PTPRD: variants seen among roughly 807,000 people sequenced by gnomAD.
PTPRD encodes protein tyrosine phosphatase receptor type D.
In PTPRD, 34 loss-of-function variants were observed where a neutral mutation model predicts 214.5. The ratio of observed to expected loss-of-function variants is 0.16; its 90% CI spans 0.12 to 0.21. The LOEUF (loss-of-function observed/expected upper bound fraction) is 0.21. Among genes scored for constraint, PTPRD ranks in the 10% least tolerant of loss-of-function variants. The pLI is 1.00. For missense variants in PTPRD, 2,545 were observed against 2,398.7 expected (o/e 1.06, Z -1.27); for synonymous variants, 1,128 against 845.7 (o/e 1.33, Z -5.79).
intron 8 of PTPRD, among the ~76,000 whole-genome samples, chr9:9,485,856 T>C (rs758686242): frequency 6.6e-6 from 1 of 152,068 alleles, no homozygotes; most frequent in Non-Finnish European, 1.5e-5. Context: ...CCCAAATCTC[T>C]ACTGCCTTCC....
At chr9:9,825,679 T>C (rs947378351) in intron 5 of PTPRD, among the ~76,000 whole-genome samples, 31 of 151,966 alleles carry the variant, frequency 2.0e-4, no homozygotes, top group Non-Finnish European at 3.4e-4. Context: ...TGGAGTACAA[T>C]GATAACAGGT....
At chr9:8,844,115 A>G (rs1344630355) in intron 11 of PTPRD, among the ~76,000 whole-genome samples, 1 of 152,200 alleles carries the variant, frequency 6.6e-6, no homozygotes. Context: ...ATATTCCAAA[A>G]GAAGAGTTTT....
intron 19 of PTPRD, among the ~76,000 whole-genome samples, chr9:8,523,215 G>C (rs879773774): frequency 6.6e-6 from 1 of 152,184 alleles, no homozygotes; most frequent in South Asian, 2.1e-4. Context: ...TTAAAGGCAG[G>C]GTGGGAGATG....
intron 3 of PTPRD, among the ~76,000 whole-genome samples, chr9:10,279,829 T>C (rs953752261): frequency 4.6e-5 from 7 of 152,172 alleles, no homozygotes; most frequent in Non-Finnish European, 8.8e-5. Context: ...TAGTCCTGAA[T>C]TGATACTTTC....
intron 3 of PTPRD, among the ~76,000 whole-genome samples, chr9:10,129,283 G>A (rs779664137): frequency 1.3e-5 from 2 of 152,114 alleles, no homozygotes; most frequent in Non-Finnish European, 2.9e-5. Flanking sequence ...CTAATGGCAT[G>A]TACGGATTTT....
chr9:8,352,320 C>T (rs1478574098), intron 39 of PTPRD, among the ~76,000 whole-genome samples: 1 of 152,174 alleles, frequency 6.6e-6, no homozygotes, highest in Admixed American at 6.6e-5. Context: ...GCAGACTCAG[C>T]TGGCTCTGAT....
chr9:9,453,600 AT>A (rs2092571065), intron 8 of PTPRD, among the ~76,000 whole-genome samples: 1 of 151,624 alleles, frequency 6.6e-6, no homozygotes, highest in African/African-American at 2.4e-5. Flanking sequence ...GAACAATTCC[AT>A]TTATATTTCA....
chr9:10,577,538 C>G (rs1297158023), intron 2 of PTPRD, among the ~76,000 whole-genome samples: 2 of 152,230 alleles, frequency 1.3e-5, no homozygotes, highest in African/African-American at 4.8e-5. Context: ...GCCCTACCAA[C>G]ATCTTTCTTT....
At chr9:9,061,831 T>C (rs1016468357) in intron 10 of PTPRD, among the ~76,000 whole-genome samples, 1 of 152,110 alleles carries the variant, frequency 6.6e-6, no homozygotes, top group African/African-American at 2.4e-5. Flanking sequence ...TCTTCTATCC[T>C]CCTGTAGAGA....
chr9:9,378,388 T>C (rs557830733), intron 9 of PTPRD, among the ~76,000 whole-genome samples: 1 of 152,164 alleles, frequency 6.6e-6, no homozygotes, highest in Non-Finnish European at 1.5e-5. Context: ...GAGTATTCCA[T>C]TGTCTGGATA....
intron 10 of PTPRD, among the ~76,000 whole-genome samples, chr9:9,119,875 A>C: frequency 6.6e-6 from 1 of 151,832 alleles, no homozygotes; most frequent in Non-Finnish European, 1.5e-5. Flanking sequence ...ATGACTACAC[A>C]TGAAAGTGTA....
At chr9:10,408,405 T>TA (rs2098399048) in intron 2 of PTPRD, among the ~76,000 whole-genome samples, 1 of 151,566 alleles carries the variant, frequency 6.6e-6, no homozygotes, top group African/African-American at 2.4e-5. Context: ...CGGTCTGTAA[T>TA]AAAAAAGCAT....
intron 9 of PTPRD, among the ~76,000 whole-genome samples, chr9:9,367,632 A>G (rs1219503881): frequency 6.6e-6 from 1 of 151,640 alleles, no homozygotes; most frequent in Non-Finnish European, 1.5e-5. Context: ...GTAGATTGCC[A>G]GAAGTTAAAT....
At chr9:10,271,305 G>C (rs1226054287) in intron 3 of PTPRD, among the ~76,000 whole-genome samples, 1 of 152,006 alleles carries the variant, frequency 6.6e-6, no homozygotes, top group African/African-American at 2.4e-5. Context: ...ATTTTTAGGT[G>C]TTACAAATAC....
chr9:9,479,651 A>T (rs1417028799), intron 8 of PTPRD, among the ~76,000 whole-genome samples: 1 of 152,162 alleles, frequency 6.6e-6, no homozygotes, highest in Non-Finnish European at 1.5e-5. Flanking sequence ...AACAGAAATT[A>T]TTTGATTGAT....
intron 11 of PTPRD, among the ~76,000 whole-genome samples, chr9:8,853,675 T>G (rs898210635): frequency 6.6e-6 from 1 of 152,200 alleles, no homozygotes; most frequent in Non-Finnish European, 1.5e-5. Context: ...TCAGATTTCT[T>G]CAGTTGATGT....
intron 5 of PTPRD, among the ~76,000 whole-genome samples, chr9:9,907,272 T>C (rs1156295661): frequency 6.6e-6 from 1 of 151,960 alleles, no homozygotes. Flanking sequence ...TGGGTTCTTA[T>C]ATAAGCATCA....
intron 5 of PTPRD, among the ~76,000 whole-genome samples, chr9:9,919,337 C>G (rs2081888644): frequency 1.3e-5 from 2 of 152,096 alleles, no homozygotes; most frequent in African/African-American, 2.4e-5. Context: ...CCAAACTTCA[C>G]CTCAACCCAG....
intron 11 of PTPRD, among the ~76,000 whole-genome samples, chr9:8,863,113 A>T (rs1274171081): frequency 6.6e-6 from 1 of 152,238 alleles, no homozygotes; most frequent in Non-Finnish European, 1.5e-5. Flanking sequence ...AAAGGCCTAG[A>T]AAAGCCATAC....
Sources: allele counts gnomAD v4.1 joint callset (sites outside exome capture counted in the v4.1 genomes callset), GRCh38; gene constraint gnomAD v4.1.1; transcripts MANE v1.5; gene names NCBI Gene and HGNC (gene_info 2026-07-23, HGNC 2026-07-21).